TBCEL: variants seen among roughly 807,000 people sequenced by gnomAD.
TBCEL encodes tubulin-specific chaperone cofactor E-like protein.
In TBCEL, 15 loss-of-function variants were observed where a neutral mutation model predicts 44.2. The observed-to-expected ratio is 0.34, with a 90% CI of 0.23 to 0.52. The LOEUF is 0.52. TBCEL is among the 20% of genes least tolerant of loss of function. The pLI, the probability that TBCEL is intolerant of heterozygous loss-of-function variation, is 0.95. For synonymous variants in TBCEL, 171 were observed against 185.4 expected (o/e 0.92, Z 0.63); for missense variants, 319 against 506.3 (o/e 0.63, Z 3.55).
intron 1 of TBCEL, among the ~76,000 whole-genome samples, chr11:121,029,995 G>A (rs1453988597): frequency 6.6e-6 from 1 of 152,216 alleles, no homozygotes; most frequent in Non-Finnish European, 1.5e-5. Context: ...AACGGATTAT[G>A]ATAAGTGCTA....
chr11:121,060,345 T>C (rs12795310), intron 8 of TBCEL, among the ~76,000 whole-genome samples: 40,176 of 151,858 alleles, frequency 0.26, 5,884 homozygotes, highest in Admixed American at 0.35. Context: ...TAGTTCCTGC[T>C]GCATACTCCA....
intron 8 of TBCEL, among the ~76,000 whole-genome samples, chr11:121,072,420 T>G (rs1945952046): frequency 1.3e-5 from 2 of 152,324 alleles, no homozygotes; most frequent in South Asian, 4.1e-4. Flanking sequence ...TCAGAACTGA[T>G]GATAGTTAAT....
At chr11:121,078,130 C>T (rs1946063734) in intron 8 of TBCEL, among the ~76,000 whole-genome samples, 1 of 151,884 alleles carries the variant, frequency 6.6e-6, no homozygotes, top group Non-Finnish European at 1.5e-5. Context: ...TTATAAATAC[C>T]AGGTCAAGTT....
At chr11:121,076,678 C>G (rs997107806) in intron 8 of TBCEL, among the ~76,000 whole-genome samples, 2 of 152,014 alleles carry the variant, frequency 1.3e-5, no homozygotes, top group South Asian at 4.1e-4. Flanking sequence ...ATTACACTGA[C>G]TTGGACCTCC....
intron 3 of TBCEL, among the ~76,000 whole-genome samples, chr11:121,046,103 G>A (rs1049741534): frequency 3.9e-5 from 6 of 152,054 alleles, no homozygotes; most frequent in Admixed American, 1.3e-4. Context: ...GTACAAAACA[G>A]TACAGGACTG....
chr11:121,025,903 C>A (rs574463696), intron 1 of TBCEL, among the ~76,000 whole-genome samples: 1 of 151,890 alleles, frequency 6.6e-6, no homozygotes, highest in African/African-American at 2.4e-5. Flanking sequence ...TTTTTGTATG[C>A]GTGTGTGTTT....
At chr11:121,041,062 T>A (rs10892664) in intron 2 of TBCEL, among the ~76,000 whole-genome samples, 30,838 of 152,072 alleles carry the variant, frequency 0.2, 3,288 homozygotes, top group East Asian at 0.33. Context: ...TTCATACTTT[T>A]TGAAGTATAC....
intron 2 of TBCEL, among the ~76,000 whole-genome samples, chr11:121,041,432 G>A (rs962084376): frequency 2.0e-5 from 3 of 152,070 alleles, no homozygotes; most frequent in Non-Finnish European, 4.4e-5. Context: ...AGGCACAAAC[G>A]AATTGAAATT....
chr11:121,076,216 A>G (rs1946030560), intron 8 of TBCEL, among the ~76,000 whole-genome samples: 1 of 151,936 alleles, frequency 6.6e-6, no homozygotes, highest in South Asian at 2.1e-4. Context: ...AGTCTGTGAA[A>G]CATTCTTCTG....
chr11:121,081,735 C>T (rs1192709448), intron 8 of TBCEL, among the ~76,000 whole-genome samples: 1 of 152,144 alleles, frequency 6.6e-6, no homozygotes, highest in Non-Finnish European at 1.5e-5. Flanking sequence ...ATTTACTAAT[C>T]TTTCCTGCTT....
At chr11:121,053,225 G>C (rs1382904577) in intron 4 of TBCEL, among the ~76,000 whole-genome samples, 1 of 151,890 alleles carries the variant, frequency 6.6e-6, no homozygotes, top group Non-Finnish European at 1.5e-5. Context: ...CATCAAAACT[G>C]TCTTTTCTCC....
chr11:121,070,029 A>G (rs749098572), intron 8 of TBCEL, among the ~76,000 whole-genome samples: 5 of 152,216 alleles, frequency 3.3e-5, no homozygotes, highest in Admixed American at 6.5e-5. Context: ...AACCCCATCA[A>G]AAAGTGGGCA....
chr11:121,049,272 G>A (rs909445324), intron 4 of TBCEL, among the ~76,000 whole-genome samples: 1 of 151,774 alleles, frequency 6.6e-6, no homozygotes, highest in African/African-American at 2.4e-5. Flanking sequence ...TAGGCTTGCC[G>A]ATAAAATTAA....
intron 8 of TBCEL, among the ~76,000 whole-genome samples, chr11:121,080,805 A>G (rs1946111124): frequency 2.0e-5 from 3 of 152,178 alleles, no homozygotes; most frequent in Non-Finnish European, 2.9e-5. Context: ...CTTGGGAATC[A>G]AGAGTGAGGA....
intron 6 of TBCEL, 25 bp from the exon 7 acceptor site, chr11:121,058,320 C>T (rs1214671285): frequency 8.7e-6 from 14 of 1,607,216 alleles, no homozygotes; most frequent in Non-Finnish European, 1.2e-5. Context: ...TCTGGATTTA[C>T]TTAAACAATA....
intron 2 of TBCEL, among the ~76,000 whole-genome samples, chr11:121,038,502 A>G (rs935722088): frequency 1.3e-5 from 2 of 152,122 alleles, no homozygotes; most frequent in Admixed American, 1.3e-4. Context: ...GTTTGGATAC[A>G]GTGGATAGTT....
chr11:121,056,282 C>T (rs768561969), intron 6 of TBCEL, among the ~76,000 whole-genome samples: 25 of 151,798 alleles, frequency 1.6e-4, no homozygotes, highest in Non-Finnish European at 3.4e-4. Context: ...GCCTTTAAGT[C>T]CTCCATGCCT....
rs1946233380 is a variant in TBCEL, at chr11:121,087,265, TG to T, written c.*172del. ...CCCTGGAGTGAGTAGGGGCCATTTTTGGGTGTTTTCTACCACAGATTGATTT... is the reference window on the plus strand; with the variant it reads ...CCCTGGAGTGAGTAGGGGCCATTTTTGGTGTTTTCTACCACAGATTGATTT... On this transcript the variant is annotated 3_prime_UTR_variant, in exon 9 of 9. Coordinates refer to ENST00000683345, the MANE Select transcript of TBCEL (RefSeq NM_001363644.2). The T allele has an allele frequency of 4.5e-6, 3 of 673,698 alleles. No homozygotes were observed. The highest frequency in any genetic ancestry group is 1.8e-5 in the African/African-American group (1 of 55,328). The allele number at this position is 673,698 out of a possible 1,614,324, so 41.7% of individuals were successfully genotyped here. A position where few individuals can be genotyped will look rare whatever the true frequency, so the allele number is the denominator to read the frequency against.
chr11:121,061,872 A>G (rs1407097449), intron 8 of TBCEL, among the ~76,000 whole-genome samples: 7 of 152,058 alleles, frequency 4.6e-5, no homozygotes, highest in Non-Finnish European at 8.8e-5. Flanking sequence ...CTACATTTAT[A>G]CAATTTTTTT....
Sources: gnomAD v4.1 joint callset for allele counts (sites outside exome capture counted in the v4.1 genomes callset) on GRCh38, gnomAD v4.1.1 for gene constraint, MANE v1.5 for transcripts, NCBI Gene and HGNC (gene_info 2026-07-23, HGNC 2026-07-21) for gene names.